The following NCKAP5 variants were observed in gnomAD, a reference collection of about 807,000 sequenced individuals.
NCKAP5 encodes the protein nck-associated protein 5.
Under a neutral mutation model 167.0 loss-of-function variants are expected in NCKAP5, and 92 were observed. That is an observed-to-expected ratio of 0.55 (90% CI 0.47 to 0.66). The LOEUF (loss-of-function observed/expected upper bound fraction) is 0.66. NCKAP5 is among the 30% of genes least tolerant of loss of function. The pLI, the probability that NCKAP5 is intolerant of heterozygous loss-of-function variation, is 0.00. For missense variants in NCKAP5, 2,378 were observed against 2,315.0 expected, an observed-to-expected ratio of 1.03 and a Z score of -0.56; for synonymous variants, 891 against 877.4, an observed-to-expected ratio of 1.02 and a Z score of -0.27.
At chr2:132,814,921 G>C (rs2105286853) in intron 11 of NCKAP5, among the ~76,000 whole-genome samples, 1 of 152,264 alleles carries the variant, frequency 6.6e-6, no homozygotes, top group Non-Finnish European at 1.5e-5. Context: ...AGCATGTCTG[G>C]AGTTCCGTAA....
intron 6 of NCKAP5, among the ~76,000 whole-genome samples, chr2:133,026,155 T>C (rs2149406318): frequency 6.6e-6 from 1 of 151,756 alleles, no homozygotes; most frequent in Admixed American, 6.6e-5. Flanking sequence ...TTTTGAGAAG[T>C]GTCTGTTCAT....
the NCKAP5 span, among the ~76,000 whole-genome samples, chr2:133,660,374 G>GTT: frequency 6.6e-6 from 1 of 151,896 alleles, no homozygotes; most frequent in Non-Finnish European, 1.5e-5. Context: ...CCAAGAGCAT[G>GTT]TTTTCTTTAT....
intron 4 of NCKAP5, among the ~76,000 whole-genome samples, chr2:133,295,521 G>C (rs1283888797): frequency 6.6e-6 from 1 of 152,128 alleles, no homozygotes; most frequent in African/African-American, 2.4e-5. Flanking sequence ...CTATGACATA[G>C]TGACGCAGAG....
At chr2:133,180,485 A>T (rs1165878134) in intron 5 of NCKAP5, among the ~76,000 whole-genome samples, 1 of 151,932 alleles carries the variant, frequency 6.6e-6, no homozygotes, top group African/African-American at 2.4e-5. Flanking sequence ...CTACAGGAAC[A>T]CACCACCAAG....
At chr2:133,370,161 AAG>A (rs1364492565) in intron 3 of NCKAP5, among the ~76,000 whole-genome samples, 2 of 152,220 alleles carry the variant, frequency 1.3e-5, no homozygotes, top group African/African-American at 4.8e-5. Flanking sequence ...CATAACAAGA[AAG>A]AGCCATTTAG....
At chr2:133,589,015 G>C in the NCKAP5 span, among the ~76,000 whole-genome samples, 1 of 152,200 alleles carries the variant, frequency 6.6e-6, no homozygotes, top group Non-Finnish European at 1.5e-5. Context: ...AGACAAGGTA[G>C]CAACTCTGGC....
intron 6 of NCKAP5, among the ~76,000 whole-genome samples, chr2:133,087,147 G>GTTCCATTTGGTTTTCCTTCTGATACCAAT (rs1188152318): frequency 2.6e-5 from 4 of 152,124 alleles, no homozygotes; most frequent in Non-Finnish European, 5.9e-5. Context: ...CTGATACCAA[G>GTTCCATTTGGTTTTCCTTCTGATACCAAT]TTCCATTTGG....
At chr2:132,820,554 GT>G (rs895485680) in intron 11 of NCKAP5, among the ~76,000 whole-genome samples, 4 of 150,652 alleles carry the variant, frequency 2.7e-5, no homozygotes, top group South Asian at 2.1e-4. Context: ...TTTGTTTTTT[GT>G]TTTTTTTAAA....
At chr2:132,881,368 T>G (rs187255205) in intron 8 of NCKAP5, among the ~76,000 whole-genome samples, 25 of 152,000 alleles carry the variant, frequency 1.6e-4, no homozygotes, top group Non-Finnish European at 1.9e-4. Context: ...AGAGATGGGG[T>G]TTCACCACGT....
intron 6 of NCKAP5, among the ~76,000 whole-genome samples, chr2:133,103,776 T>C (rs141570662): frequency 1.2e-3 from 177 of 152,314 alleles, no homozygotes; most frequent in Middle Eastern, 6.8e-3. Flanking sequence ...AGAGGTGCTG[T>C]CTCAGTCAGT....
At chr2:133,263,127 A>G (rs1364352838) in intron 4 of NCKAP5, among the ~76,000 whole-genome samples, 3 of 152,280 alleles carry the variant, frequency 2.0e-5, no homozygotes, top group Non-Finnish European at 4.4e-5. Flanking sequence ...TCCCAAATAG[A>G]TCTACATTGT....
In NCKAP5 at chr2:133,379,743, T is replaced by C. The variant is rs894829763; in HGVS notation, c.70-76633A>G. The stretch of plus-strand genomic sequence containing the variant: ...ACCTTACTAATATTGCATCTCAGAT[T>C]GGAGAAAATGATCCAAGGTAATGTC... On this transcript the variant is annotated intron_variant, in intron 3 of 19. Transcript: ENST00000409261. Among the ~76,000 whole-genome samples, 7 of 152,214 alleles carry C rather than the reference T, an allele frequency of 4.6e-5. 1 individual carries two copies. Among genetic ancestry groups the C allele is most frequent in the African/African-American group, 1.7e-4 (7 of 41,454 alleles).
intron 3 of NCKAP5, among the ~76,000 whole-genome samples, chr2:133,326,402 C>T (rs1052504920): frequency 8.9e-5 from 13 of 145,664 alleles, no homozygotes; most frequent in Non-Finnish European, 1.8e-4. Flanking sequence ...TGCAGTGAGC[C>T]GAGTTCACAC....
chr2:133,231,472 A>G (rs990521482), intron 4 of NCKAP5, among the ~76,000 whole-genome samples: 34 of 152,224 alleles, frequency 2.2e-4, no homozygotes, highest in African/African-American at 7.7e-4. Flanking sequence ...AACTACGCTC[A>G]TGTGTGAAGC....
chr2:133,165,135 T>G (rs904090581), intron 5 of NCKAP5, among the ~76,000 whole-genome samples: 7 of 152,130 alleles, frequency 4.6e-5, no homozygotes, highest in African/African-American at 1.4e-4. Context: ...CCAATGAACA[T>G]CCATCAATGC....
At chr2:133,049,494 G>A (rs765478593) in intron 6 of NCKAP5, among the ~76,000 whole-genome samples, 19 of 137,526 alleles carry the variant, frequency 1.4e-4, no homozygotes, top group Non-Finnish European at 2.3e-4. Context: ...GCGGTGAGCC[G>A]AGATCACACC....
At chr2:133,281,316 T>C (rs2089927543) in intron 4 of NCKAP5, among the ~76,000 whole-genome samples, 1 of 152,230 alleles carries the variant, frequency 6.6e-6, no homozygotes, top group South Asian at 2.1e-4. Context: ...GCTTTGTGTA[T>C]TCAAAATTAT....
At chr2:133,567,541 A>G (rs1688638861) in intron 1 of NCKAP5, among the ~76,000 whole-genome samples, 1 of 152,214 alleles carries the variant, frequency 6.6e-6, no homozygotes, top group Non-Finnish European at 1.5e-5. Flanking sequence ...AACTCAGAAG[A>G]CAAGTCAGAA....
At chr2:133,426,993 G>T (rs548474955) in intron 3 of NCKAP5, among the ~76,000 whole-genome samples, 1 of 152,166 alleles carries the variant, frequency 6.6e-6, no homozygotes, top group Admixed American at 6.5e-5. Context: ...CAGGAAAGGC[G>T]GTCAGCAAAT....
Sources: gnomAD v4.1 joint callset for allele counts (sites outside exome capture counted in the v4.1 genomes callset) on GRCh38, gnomAD v4.1.1 for gene constraint, MANE v1.5 for transcripts, NCBI Gene and HGNC (gene_info 2026-07-23, HGNC 2026-07-21) for gene names.